The following TACC2 variants were observed in gnomAD, a reference collection of about 807,000 sequenced individuals.
The protein encoded by TACC2 is transforming acidic coiled-coil containing protein 2.
In TACC2, 137 loss-of-function variants were observed where a neutral mutation model predicts 227.3. The observed-to-expected ratio is 0.60, with a 90% CI of 0.52 to 0.69. The LOEUF is 0.69. Ranked by LOEUF, TACC2 falls within the 30% of genes least tolerant of loss-of-function variation. The pLI is 0.00. For synonymous variants in TACC2, 1,523 were observed against 1,487.5 expected, an observed-to-expected ratio of 1.02 and a Z score of -0.55; for missense variants, 3,470 against 3,694.4, an observed-to-expected ratio of 0.94 and a Z score of 1.57.
chr10:122,041,727 GTAGCCACAGCACCC>G (rs1209472924), intron 2 of TACC2, among the ~76,000 whole-genome samples: 4 of 152,178 alleles, frequency 2.6e-5, no homozygotes, highest in Non-Finnish European at 4.4e-5. Flanking sequence ...GATTACAGGT[GTAGCCACAGCACCC>G]GGCCTTGACA....
intron 5 of TACC2, among the ~76,000 whole-genome samples, chr10:122,103,462 CTT>C (rs1466626929): frequency 6.6e-6 from 1 of 152,200 alleles, no homozygotes; most frequent in Non-Finnish European, 1.5e-5. Context: ...AGAGGGCCAT[CTT>C]TGTGACCAGT....
chr10:122,184,553 G>A (rs1163551288), intron 7 of TACC2, among the ~76,000 whole-genome samples: 1 of 152,194 alleles, frequency 6.6e-6, no homozygotes, highest in African/African-American at 2.4e-5. Context: ...CCAGCAGTGT[G>A]GCTGAGCTCT....
At position 122,083,985 on chromosome 10, in the gene TACC2, G is replaced by A; in HGVS notation, c.1485G>A (p.Gln495=). 6.2e-7 allele frequency: 1 copy of A among 1,614,048 alleles called. No individual in the cohort carries two copies. The highest frequency in any genetic ancestry group is 8.5e-7 in the Non-Finnish European group (1 of 1,179,986). ...DPGEVPAPSP[Q]ERGEHLNTEQ... ...GAGAGGTTCCTGCCCCATCACCCCA[G>A]GAGAGGGGAGAGCACTTGAACACGG... Residue 495 remains glutamine, a synonymous_variant, in exon 4 of 23, where the codon CAG becomes CAA. Transcript: ENST00000369005.
In TACC2 at chr10:122,221,835, G is replaced by A. The variant is rs1009158622; in HGVS notation, c.7547-2891G>A. The stretch of plus-strand genomic sequence containing the variant: ...GTCAATAGGCAAGGAGATATCAGGC[G>A]AGTTGGCTTCCCTGATCCTAGCAAT... On this transcript the variant is annotated intron_variant, in intron 11 of 22. Coordinates refer to ENST00000369005, the MANE Select transcript of TACC2 (RefSeq NM_206862.4). Among the ~76,000 whole-genome samples the A allele has an allele frequency of 3.3e-5, 5 of 152,286 alleles. No homozygotes were observed. In the East Asian group the frequency reaches 5.8e-4, roughly 18 times the overall value.
intron 5 of TACC2, among the ~76,000 whole-genome samples, chr10:122,101,723 C>CTTTTTTTTTTTTTTTTT (rs1179126977): frequency 3.6e-5 from 2 of 55,736 alleles, no homozygotes; most frequent in Non-Finnish European, 6.1e-5. Context: ...CCATGCCCAG[C>CTTTTTTTTTTTTTTTTT]TTTTTTTTTT....
chr10:122,026,821 C>G (rs754627953), intron 2 of TACC2, among the ~76,000 whole-genome samples: 5 of 151,616 alleles, frequency 3.3e-5, no homozygotes, highest in Non-Finnish European at 7.4e-5. Flanking sequence ...CTTTTTAGCA[C>G]TGAATAATTT....
chr10:122,089,033 C>T (rs542103536), intron 5 of TACC2, among the ~76,000 whole-genome samples: 5 of 152,234 alleles, frequency 3.3e-5, no homozygotes, highest in East Asian at 3.9e-4. Flanking sequence ...GAGGATCGAT[C>T]GTTTGAGCCC....
At chr10:122,185,951 G>A (rs568614982) in intron 7 of TACC2, among the ~76,000 whole-genome samples, 1 of 152,016 alleles carries the variant, frequency 6.6e-6, no homozygotes, top group Admixed American at 6.6e-5. Flanking sequence ...CTTTTTTGAG[G>A]TGGAATTTCG....
chr10:122,085,894 A>T lies in TACC2; in HGVS notation c.3394A>T (p.Thr1132Ser). ...AGGTGGTGAAGCCGGGGCTGCTGAG[A>T]CTGGTGGCAGCGCTGGTGCAGGAGA... The part of the protein sequence containing the change: ...EQGGEAGAAE[T>S]GGSAGAGDPG... Residue 1132 changes from threonine to serine, a missense_variant, in exon 4 of 23, where the codon ACT (threonine) becomes TCT (serine). Physicochemically the swap from Thr to Ser is moderately conservative, Grantham distance 58. Coordinates refer to ENST00000369005, the MANE Select transcript of TACC2 (RefSeq NM_206862.4). 3 of 1,613,314 alleles carry T rather than the reference A, an allele frequency of 1.9e-6. No individual in the cohort carries two copies. The highest frequency in any genetic ancestry group is 2.5e-6 in the Non-Finnish European group (3 of 1,179,640).
chr10:122,196,822 G>A (rs949845171), intron 8 of TACC2, among the ~76,000 whole-genome samples: 1 of 151,050 alleles, frequency 6.6e-6, no homozygotes, highest in African/African-American at 2.4e-5. Context: ...TGTAGTCCCA[G>A]CTACTCGGGA....
In TACC2 at chr10:122,179,044, T is replaced by C. The variant is rs562847570; in HGVS notation, c.5835-15996T>C. On this transcript the variant is annotated intron_variant, in intron 7 of 22. Transcript: ENST00000369005. ...AAAGCTGCTCTTGAACACCTTGCCA[T>C]GAAAGTAACAAAACGCTGAAGCATG... is the stretch of plus-strand genomic sequence containing the variant. 1.3e-5 allele frequency among the ~76,000 whole-genome samples: 2 copies of C among 152,174 alleles called. 1 individual carries two copies. The highest frequency in any genetic ancestry group is 2.9e-5 in the Non-Finnish European group (2 of 68,014).
chr10:122,159,346 A>G lies in TACC2; in HGVS notation c.5834+15640A>G, dbSNP rs542685914. ...AGAGCATCCATCCTGGGACTGTGAC[A>G]CCTGGGTGGAGAAAGCCCGGCACCG... On this transcript the variant is annotated intron_variant, in intron 7 of 22. Coordinates refer to ENST00000369005, the MANE Select transcript of TACC2 (RefSeq NM_206862.4). Among the ~76,000 whole-genome samples the G allele has an allele frequency of 5.9e-5, 9 of 152,300 alleles. No individual in the cohort carries two copies. The East Asian group carries it at 1.5e-3, about 26-fold the overall frequency.
intron 7 of TACC2, among the ~76,000 whole-genome samples, chr10:122,181,793 A>C (rs927855956): frequency 6.6e-6 from 1 of 152,252 alleles, no homozygotes; most frequent in African/African-American, 2.4e-5. Context: ...GTGTGAAAAC[A>C]TCGGAAGCAG....
chr10:122,105,944 CTG>C (rs71022897), intron 5 of TACC2, among the ~76,000 whole-genome samples: 277 of 145,216 alleles, frequency 1.9e-3, no homozygotes, highest in Middle Eastern at 7.2e-3. Context: ...TTTTCTCTCT[CTG>C]TGTGTGTGTG....
intron 1 of TACC2, chr10:121,994,786 G>A (rs1755014365): frequency 6.6e-6 from 1 of 152,206 alleles, no homozygotes; most frequent in South Asian, 2.1e-4. Context: ...ACTGAGATTA[G>A]AGGGATAAAA....
chr10:122,149,759 G>A (rs1449815432), intron 7 of TACC2, among the ~76,000 whole-genome samples: 1 of 152,246 alleles, frequency 6.6e-6, no homozygotes, highest in East Asian at 1.9e-4. Context: ...AGGGAAAGGG[G>A]CTGGGTTGTT....
In TACC2 at chr10:122,146,292, A is replaced by G. The variant is rs141864851; in HGVS notation, c.5834+2586A>G. On this transcript the variant is annotated intron_variant, in intron 7 of 22. Transcript: ENST00000369005. ...GACCCTGAGGTCCATCTCAAAAAAA[A>G]AAAGTTATCAATATATTGATACATC... Among the ~76,000 whole-genome samples the G allele has an allele frequency of 6.5e-3, 983 of 152,330 alleles. 8 individuals are homozygous for G. The highest frequency in any genetic ancestry group is 0.022 in the African/African-American group (902 of 41,564).
chr10:122,088,444 T>G, intron 4 of TACC2, 34 bp from the exon 5 acceptor site: 1 of 1,573,186 alleles, frequency 6.4e-7, no homozygotes, highest in South Asian at 1.2e-5. Context: ...ACTATCTACA[T>G]TATCCTATTA....
chr10:122,064,217 C>T (rs545226191), intron 3 of TACC2, among the ~76,000 whole-genome samples: 43 of 151,402 alleles, frequency 2.8e-4, no homozygotes, highest in African/African-American at 9.9e-4. Context: ...TGTATATGCA[C>T]TTTAAAAATA....
Sources: gnomAD v4.1 joint callset for allele counts (sites outside exome capture counted in the v4.1 genomes callset) on GRCh38, gnomAD v4.1.1 for gene constraint, MANE v1.5 for transcripts, NCBI Gene and HGNC (gene_info 2026-07-23, HGNC 2026-07-21) for gene names.